Variants in TARBP1 observed in about 807,000 individuals in gnomAD.
The protein encoded by TARBP1 is tRNA guanosine 2 -O-methyltransferase TARBP1, also known as tRNA (guanosine(18)-2'-O)-methyltransferase TARBP1.
In TARBP1, 144 loss-of-function variants were observed where a neutral mutation model predicts 178.6. The ratio of observed to expected loss-of-function variants is 0.81; its 90% confidence interval spans 0.70 to 0.93. The LOEUF is 0.93. Ranked by LOEUF, TARBP1 falls within the 40% of genes least tolerant of loss-of-function variation. TARBP1 has a pLI of 0.00. For synonymous variants in TARBP1, 787 were observed against 781.0 expected, an observed-to-expected ratio of 1.01 and a Z score of -0.13; for missense variants, 2,067 against 2,011.7, an observed-to-expected ratio of 1.03 and a Z score of -0.53.
intron 14 of TARBP1, among the ~76,000 whole-genome samples, chr1:234,431,180 T>G (rs969886315): frequency 6.6e-6 from 1 of 152,194 alleles, no homozygotes; most frequent in Non-Finnish European, 1.5e-5. Context: ...AAATTTCTAC[T>G]TATTCCATAC....
chr1:234,444,253 A>G (rs1445346931), intron 12 of TARBP1, among the ~76,000 whole-genome samples: 1 of 152,206 alleles, frequency 6.6e-6, no homozygotes, highest in African/African-American at 2.4e-5. Flanking sequence ...AAAGTGACAA[A>G]TTCAGCCAGT....
At chr1:234,457,527 A>T in intron 9 of TARBP1, 140 bp downstream of exon 9, 1 of 549,882 alleles carries the variant, frequency 1.8e-6, no homozygotes, top group African/African-American at 1.9e-5. Context: ...CACTCAAAGC[A>T]AATATACAAT....
Position 234,393,852 on chromosome 1 carries a change from G to T in TARBP1, c.4244-15C>A, listed in dbSNP as rs1046774612. ...CAAATTAGTACCTGGGAAGGAAAAA[G>T]AAAACAATCCCACATATAAATAAAT... is the stretch of plus-strand genomic sequence containing the variant. On this transcript the variant is annotated splice_polypyrimidine_tract_variant and intron_variant, in intron 26 of 29. Transcript: ENST00000040877. 6.3e-7 allele frequency: 1 copy of T among 1,575,552 alleles called. No individual in the cohort carries two copies. Among genetic ancestry groups the T allele is most frequent in the South Asian group, 1.1e-5 (1 of 88,290 alleles).
rs1353333861 is a variant in TARBP1, at chr1:234,478,650, G to A, written c.454C>T (p.Arg152Trp). The stretch of plus-strand genomic sequence containing the variant: ...AGTAGCGGCCCGTCCTCGCGGGGCC[G>A]CAAACATGGCCCGACGGCTGCTAGC... ...EVLAAVGPCL[R>W]PREDGPLLER... Residue 152 changes from arginine to tryptophan, a missense_variant, in exon 1 of 30, where the codon CGG (arginine) becomes TGG (tryptophan). Physicochemically the swap from Arg to Trp is moderately radical, Grantham distance 101. Coordinates refer to ENST00000040877, the MANE Select transcript of TARBP1 (RefSeq NM_005646.4). The A allele has an allele frequency of 7.8e-6, 10 of 1,274,994 alleles. No homozygotes were observed. Among genetic ancestry groups the A allele is most frequent in the Non-Finnish European group, 7.9e-6 (8 of 1,012,098 alleles). 79.0% of individuals were successfully genotyped at this position (1,274,994 alleles called of 1,614,324 possible).
At chr1:234,450,806 A>G (rs1234927320) in intron 9 of TARBP1, among the ~76,000 whole-genome samples, 2 of 152,086 alleles carry the variant, frequency 1.3e-5, no homozygotes, top group African/African-American at 4.8e-5. Context: ...AGATATATAT[A>G]TATATACACA....
chr1:234,471,619 T>C (rs6656456), intron 2 of TARBP1, among the ~76,000 whole-genome samples: 20,136 of 152,166 alleles, frequency 0.13, 1,750 homozygotes, highest in African/African-American at 0.26. Context: ...AAGTTGTTCA[T>C]GGCTGCACAC....
chr1:234,470,192 G>A (rs984544295), intron 3 of TARBP1, among the ~76,000 whole-genome samples: 3 of 151,998 alleles, frequency 2.0e-5, no homozygotes, highest in African/African-American at 4.8e-5. Context: ...GCCTGAACCC[G>A]GGAAGCAGAG....
intron 1 of TARBP1, among the ~76,000 whole-genome samples, chr1:234,477,015 G>A (rs551669141): frequency 1.3e-5 from 2 of 152,256 alleles, no homozygotes; most frequent in African/African-American, 2.4e-5. Flanking sequence ...GTGAAACCCC[G>A]TCTCTATTAA....
At chr1:234,426,390 T>C (rs1046941093) in intron 19 of TARBP1, among the ~76,000 whole-genome samples, 4 of 152,300 alleles carry the variant, frequency 2.6e-5, no homozygotes, top group African/African-American at 7.2e-5. Context: ...ACAAAGTAAC[T>C]GCCTAGTAGA....
Position 234,406,134 on chromosome 1 carries a change from G to T in TARBP1, c.3793-35C>A, listed in dbSNP as rs757998809. 6 of 1,592,674 alleles carry T rather than the reference G, an allele frequency of 3.8e-6. 1 individual carries two copies. The South Asian group carries it at 6.7e-5, about 18-fold the overall frequency. The stretch of plus-strand genomic sequence containing the variant: ...AAGGCAAAAAATTCCTCAAAACACA[G>T]ACATGGACCATTTTACTCTCACTTG... On this transcript the variant is annotated intron_variant, in intron 23 of 29. Coordinates refer to ENST00000040877, the MANE Select transcript of TARBP1 (RefSeq NM_005646.4).
rs745862664 is a variant in TARBP1, at chr1:234,450,531, A to C, written c.1758T>G (p.Phe586Leu). 1 of 1,611,182 alleles carries C rather than the reference A, an allele frequency of 6.2e-7. No homozygotes were observed. Among genetic ancestry groups the C allele is most frequent in the Non-Finnish European group, 8.5e-7 (1 of 1,179,048 alleles). The change falls in exon 10 of 30, where the codon TTT becomes TTG. Residue 586 changes from phenylalanine (F) to leucine (L), a missense_variant. By Grantham distance (22) the Phe-to-Leu change is conservative (BLOSUM62 0). Transcript: ENST00000040877. ...TGGAGCTACACGTAGGGGATGGCTT[A>C]AAATAGCTTTCATTAACACGTAGCC... is the stretch of plus-strand genomic sequence containing the variant. Reference protein sequence around the residue: ...CDWLRVNESYFKPSPTCSSIG... With the variant: ...CDWLRVNESYLKPSPTCSSIG...
At chr1:234,452,207 G>A (rs1666854957) in intron 9 of TARBP1, among the ~76,000 whole-genome samples, 1 of 152,102 alleles carries the variant, frequency 6.6e-6, no homozygotes, top group Non-Finnish European at 1.5e-5. Flanking sequence ...GGCAGTCTCT[G>A]GGTAGGCAGG....
intron 12 of TARBP1, among the ~76,000 whole-genome samples, chr1:234,446,056 T>TAGG (rs1666142204): frequency 6.6e-6 from 1 of 151,988 alleles, no homozygotes; most frequent in Non-Finnish European, 1.5e-5. Context: ...AAATATTTTT[T>TAGG]ATATTTCATA....
chr1:234,462,194 G>A (rs1045949673), intron 6 of TARBP1, among the ~76,000 whole-genome samples: 2 of 152,174 alleles, frequency 1.3e-5, no homozygotes, highest in East Asian at 3.9e-4. Flanking sequence ...ATTTCACATC[G>A]ATTCAACATA....
intron 9 of TARBP1, among the ~76,000 whole-genome samples, chr1:234,451,053 T>C (rs956377230): frequency 1.6e-4 from 24 of 152,220 alleles, no homozygotes; most frequent in Non-Finnish European, 3.4e-4. Flanking sequence ...ATTTAAGTTA[T>C]AATCAAAGTT....
chr1:234,477,598 T>G, intron 1 of TARBP1, among the ~76,000 whole-genome samples: 1 of 152,184 alleles, frequency 6.6e-6, no homozygotes, highest in Non-Finnish European at 1.5e-5. Context: ...CTCAAACAGT[T>G]AAAAAATAAA....
At chr1:234,454,132 C>T (rs1168838299) in intron 9 of TARBP1, among the ~76,000 whole-genome samples, 3 of 152,134 alleles carry the variant, frequency 2.0e-5, no homozygotes, top group Admixed American at 6.6e-5. Flanking sequence ...ATGGGCTAAC[C>T]GTAGCCTAAA....
At chr1:234,405,063 A>G (rs917621504) in intron 24 of TARBP1, among the ~76,000 whole-genome samples, 4 of 152,248 alleles carry the variant, frequency 2.6e-5, no homozygotes, top group South Asian at 4.1e-4. Flanking sequence ...AGACTTCTAC[A>G]TGTTACTGGT....
At chr1:234,428,102 T>C (rs1239177596) in intron 17 of TARBP1, among the ~76,000 whole-genome samples, 2 of 152,170 alleles carry the variant, frequency 1.3e-5, no homozygotes, top group Non-Finnish European at 2.9e-5. Flanking sequence ...TTCCTTTGGC[T>C]GAGGCAGCAA....
Sources: allele counts gnomAD v4.1 joint callset (sites outside exome capture counted in the v4.1 genomes callset), GRCh38; gene constraint gnomAD v4.1.1; transcripts MANE v1.5; gene names NCBI Gene and HGNC (gene_info 2026-07-23, HGNC 2026-07-21).